DMD: variants seen among roughly 807,000 people sequenced by gnomAD.
DMD encodes the protein dystrophin, also known as mutant dystrophin.
DMD carries 63 observed loss-of-function variants against 330.1 expected under a neutral mutation model. The observed-to-expected ratio is 0.19, with a 90% confidence interval of 0.16 to 0.24. The LOEUF (loss-of-function observed/expected upper bound fraction) is 0.24, where lower values mean the gene tolerates loss of function less well. Among genes scored for constraint, DMD ranks in the 10% least tolerant of loss-of-function variants. DMD has a pLI of 1.00. For missense variants in DMD, 3,344 were observed against 2,684.1 expected (o/e 1.25, Z -5.43); for synonymous variants, 1,223 against 959.8 (o/e 1.27, Z -5.07).
intron 7 of DMD, among the ~76,000 whole-genome samples, chrX:32,768,430 C>T (rs1437719997): frequency 8.9e-6 from 1 of 111,980 alleles, no homozygotes; most frequent in East Asian, 2.8e-4. Context: ...CCAATTTTGT[C>T]ACCAAGACAA....
chrX:32,256,413 T>A (rs1277193214), intron 43 of DMD, among the ~76,000 whole-genome samples: 1 of 109,961 alleles, frequency 9.1e-6, no homozygotes, highest in East Asian at 2.8e-4. Flanking sequence ...TGTGTTTGCA[T>A]GTGAGATGGG....
intron 50 of DMD, among the ~76,000 whole-genome samples, chrX:31,798,432 TGAG>T (rs895381535): frequency 1.8e-5 from 2 of 109,871 alleles, no homozygotes; most frequent in African/African-American, 6.7e-5. Context: ...AGGCAAAGTG[TGAG>T]GAGAAGAGAG....
At chrX:33,257,444 T>C (rs1569559233) in intron 1 of DMD, among the ~76,000 whole-genome samples, 2 of 110,927 alleles carry the variant, frequency 1.8e-5, no homozygotes, top group Non-Finnish European at 3.8e-5. Flanking sequence ...GGAGAGTAAA[T>C]GACATTACTT....
chrX:32,783,428 T>TC (rs2075070376), intron 7 of DMD, among the ~76,000 whole-genome samples: 2 of 103,850 alleles, frequency 1.9e-5, no homozygotes, highest in African/African-American at 7.0e-5. Context: ...CCACAAAAAT[T>TC]TCCAAAAAAA....
chrX:31,249,305 G>A (rs770311287), intron 63 of DMD, among the ~76,000 whole-genome samples: 3 of 111,126 alleles, frequency 2.7e-5, no homozygotes, highest in South Asian at 7.7e-4. Flanking sequence ...GCAGTGGTGC[G>A]ATCTTGGCTC....
intron 54 of DMD, among the ~76,000 whole-genome samples, chrX:31,652,147 C>T (rs2080492585): frequency 8.9e-6 from 1 of 112,004 alleles, no homozygotes. Context: ...CTCTCCTGGA[C>T]TACTTTTTCC....
chrX:32,713,668 C>G (rs2065402012), intron 7 of DMD, among the ~76,000 whole-genome samples: 1 of 111,422 alleles, frequency 9.0e-6, no homozygotes, highest in Non-Finnish European at 1.9e-5. Context: ...TTCATTTTAC[C>G]ATCTGAGATA....
intron 1 of DMD, among the ~76,000 whole-genome samples, chrX:33,223,360 A>G (rs2052224074): frequency 1.8e-5 from 2 of 112,090 alleles, no homozygotes; most frequent in African/African-American, 6.5e-5. Flanking sequence ...GGACAAGCAC[A>G]AAGTCAGAAG....
At chrX:32,704,315 G>T (rs1238822896) in intron 7 of DMD, among the ~76,000 whole-genome samples, 1 of 89,810 alleles carries the variant, frequency 1.1e-5, no homozygotes, top group Non-Finnish European at 1.9e-5. Flanking sequence ...CTTTCAACAT[G>T]CCCTCACCCC....
chrX:32,524,364 G>A (rs2046751868), intron 17 of DMD, among the ~76,000 whole-genome samples: 1 of 111,802 alleles, frequency 8.9e-6, no homozygotes, highest in South Asian at 3.7e-4. Context: ...TGCTTACTAT[G>A]TGCCAGACAT....
chrX:32,486,693 G>A (rs1185926048), intron 20 of DMD, among the ~76,000 whole-genome samples: 2 of 105,519 alleles, frequency 1.9e-5, no homozygotes, highest in African/African-American at 3.4e-5. Context: ...CAGAAATAAC[G>A]CCGCATACCT....
At chrX:32,439,543 A>ATT (rs2098273684) in intron 28 of DMD, among the ~76,000 whole-genome samples, 2 of 111,697 alleles carry the variant, frequency 1.8e-5, no homozygotes, top group Non-Finnish European at 3.8e-5. Context: ...AAGTCTTAAC[A>ATT]AAGTATATAC....
At chrX:32,726,554 A>G (rs1285938506) in intron 7 of DMD, among the ~76,000 whole-genome samples, 1 of 111,565 alleles carries the variant, frequency 9.0e-6, no homozygotes, top group Non-Finnish European at 1.9e-5. Flanking sequence ...TCTTTGTAAT[A>G]AAATTCAGCT....
chrX:32,258,561 G>A (rs1227749171), intron 43 of DMD, among the ~76,000 whole-genome samples: 2 of 110,351 alleles, frequency 1.8e-5, no homozygotes, highest in African/African-American at 6.6e-5. Context: ...ACTAACACAG[G>A]AACAGAAAAC....
chrX:32,666,292 A>G (rs2147143529), intron 9 of DMD, among the ~76,000 whole-genome samples: 1 of 110,621 alleles, frequency 9.0e-6, no homozygotes, highest in African/African-American at 3.3e-5. Context: ...TGCACCCATC[A>G]ACCCGTCATC....
Position 31,626,846 on chromosome X carries a change from A to T in DMD, c.8217+827T>A, listed in dbSNP as rs755412802. Among the ~76,000 whole-genome samples the T allele has an allele frequency of 9.8e-5, 11 of 112,202 alleles. No individual in the cohort carries two copies. In the South Asian group the frequency reaches 4.1e-3, roughly 42 times the overall value. The stretch of plus-strand genomic sequence containing the variant: ...TTTAAAAATATCAAAAAATAAAGTT[A>T]GTCTAAAAAATCAATCATCTTATTA... On this transcript the variant is annotated intron_variant, in intron 55 of 78. Coordinates refer to ENST00000357033, the MANE Select transcript of DMD (RefSeq NM_004006.3).
At chrX:31,307,198 C>G (rs2055107198) in intron 62 of DMD, among the ~76,000 whole-genome samples, 1 of 111,538 alleles carries the variant, frequency 9.0e-6, no homozygotes, top group African/African-American at 3.3e-5. Context: ...CAGTTACAGT[C>G]AGATAACTTC....
At chrX:32,197,801 T>A (rs1249966628) in intron 44 of DMD, among the ~76,000 whole-genome samples, 1 of 111,675 alleles carries the variant, frequency 9.0e-6, no homozygotes, top group Admixed American at 9.6e-5. Flanking sequence ...ATGAGCTAAT[T>A]AACATATGCA....
chrX:32,611,099 T>C (rs1469830651), intron 12 of DMD, among the ~76,000 whole-genome samples: 1 of 110,890 alleles, frequency 9.0e-6, no homozygotes, highest in East Asian at 2.8e-4. Context: ...CTTTGCTAAA[T>C]TGTTTGATGT....
Sources: allele counts gnomAD v4.1 joint callset (sites outside exome capture counted in the v4.1 genomes callset), GRCh38; gene constraint gnomAD v4.1.1; transcripts MANE v1.5; gene names NCBI Gene and HGNC (gene_info 2026-07-23, HGNC 2026-07-21).